Variants in GPC5 observed in about 807,000 individuals in gnomAD.
GPC5 encodes the protein glypican 5.
In GPC5, 47 loss-of-function variants were observed where a neutral mutation model predicts 53.9. That is an observed-to-expected ratio of 0.87 (90% CI 0.69 to 1.11). The LOEUF is 1.11. Ranked by LOEUF, GPC5 falls within the 50% of genes most tolerant of loss-of-function variation. GPC5 has a pLI of 0.00. For synonymous variants in GPC5, 286 were observed against 263.3 expected (o/e 1.09, Z -0.84); for missense variants, 748 against 713.1 (o/e 1.05, Z -0.56).
intron 7 of GPC5, among the ~76,000 whole-genome samples, chr13:92,823,314 G>A (rs914452011): frequency 3.9e-5 from 6 of 152,010 alleles, no homozygotes; most frequent in African/African-American, 1.4e-4. Flanking sequence ...GTTTCTTTCA[G>A]ATGACATAAT....
chr13:91,842,118 C>A (rs1412216971), intron 5 of GPC5, among the ~76,000 whole-genome samples: 1 of 151,926 alleles, frequency 6.6e-6, no homozygotes, highest in Non-Finnish European at 1.5e-5. Flanking sequence ...AAACCATGTT[C>A]TACCATTCAA....
chr13:92,181,796 G>T (rs926969443), intron 7 of GPC5, among the ~76,000 whole-genome samples: 1 of 152,130 alleles, frequency 6.6e-6, no homozygotes, highest in Non-Finnish European at 1.5e-5. Context: ...AAAGCAAAAT[G>T]GTGAAAAAGA....
At chr13:91,710,369 T>A (rs931047657) in intron 3 of GPC5, among the ~76,000 whole-genome samples, 2 of 152,242 alleles carry the variant, frequency 1.3e-5, no homozygotes, top group African/African-American at 4.8e-5. Flanking sequence ...TTCTAATGAA[T>A]GCACAGAATG....
At chr13:92,437,953 C>T (rs1877383520) in intron 7 of GPC5, among the ~76,000 whole-genome samples, 1 of 152,040 alleles carries the variant, frequency 6.6e-6, no homozygotes, top group African/African-American at 2.4e-5. Flanking sequence ...TGGATAATCT[C>T]CCTTTTGATT....
intron 7 of GPC5, among the ~76,000 whole-genome samples, chr13:92,272,603 C>G (rs925569955): frequency 3.3e-5 from 5 of 152,108 alleles, no homozygotes; most frequent in Non-Finnish European, 7.3e-5. Flanking sequence ...GTGTAATTAT[C>G]AGTCTCTTGC....
intron 7 of GPC5, among the ~76,000 whole-genome samples, chr13:92,791,360 G>T (rs1168996797): frequency 6.8e-6 from 1 of 146,294 alleles, no homozygotes; most frequent in Non-Finnish European, 1.5e-5. Flanking sequence ...ATGCATACAT[G>T]TATATAAATG....
At chr13:91,552,801 G>A (rs1471828913) in intron 2 of GPC5, among the ~76,000 whole-genome samples, 1 of 152,076 alleles carries the variant, frequency 6.6e-6, no homozygotes, top group East Asian at 1.9e-4. Flanking sequence ...ATGTTACAGT[G>A]CTGCAGAGAT....
At chr13:91,767,286 T>C (rs778676421) in intron 5 of GPC5, among the ~76,000 whole-genome samples, 1 of 152,226 alleles carries the variant, frequency 6.6e-6, no homozygotes, top group Non-Finnish European at 1.5e-5. Context: ...GTTCATCAGA[T>C]ACTCCAAACT....
intron 2 of GPC5, among the ~76,000 whole-genome samples, chr13:91,652,045 T>G (rs2034724006): frequency 6.6e-6 from 1 of 152,206 alleles, no homozygotes; most frequent in Non-Finnish European, 1.5e-5. Context: ...CCTATGCAAT[T>G]CAGCAGAGAA....
intron 2 of GPC5, among the ~76,000 whole-genome samples, chr13:91,469,731 C>G (rs1166002207): frequency 6.6e-6 from 1 of 152,016 alleles, no homozygotes; most frequent in Non-Finnish European, 1.5e-5. Flanking sequence ...TATAAAAATT[C>G]AGATTCATCT....
intron 7 of GPC5, among the ~76,000 whole-genome samples, chr13:92,638,658 C>A (rs759449693): frequency 5.3e-5 from 8 of 152,118 alleles, no homozygotes; most frequent in African/African-American, 1.9e-4. Flanking sequence ...CTATGAATTA[C>A]CATCCCCTGA....
chr13:92,139,204 A>G (rs2041809395), intron 6 of GPC5, among the ~76,000 whole-genome samples: 2 of 152,232 alleles, frequency 1.3e-5, no homozygotes, highest in Admixed American at 6.5e-5. Flanking sequence ...GCAAGACCAC[A>G]AAACTAAATG....
At chr13:91,796,807 G>T (rs1392765110) in intron 5 of GPC5, among the ~76,000 whole-genome samples, 1 of 151,942 alleles carries the variant, frequency 6.6e-6, no homozygotes, top group Non-Finnish European at 1.5e-5. Context: ...GTCTGCTTCA[G>T]GTTTTATTTT....
intron 6 of GPC5, among the ~76,000 whole-genome samples, chr13:92,072,083 A>AATTATAT (rs1232516561): frequency 3.4e-5 from 5 of 146,290 alleles, no homozygotes; most frequent in Non-Finnish European, 7.5e-5. Context: ...AAAAATATAT[A>AATTATAT]ATTATATATA....
chr13:92,430,816 A>C (rs1415347804), intron 7 of GPC5, among the ~76,000 whole-genome samples: 2 of 152,192 alleles, frequency 1.3e-5, no homozygotes, highest in Non-Finnish European at 2.9e-5. Context: ...AGTTGCCAGC[A>C]GTAAACCTCA....
chr13:91,716,898 C>T (rs762570312), intron 3 of GPC5, among the ~76,000 whole-genome samples: 2 of 152,204 alleles, frequency 1.3e-5, no homozygotes, highest in African/African-American at 4.8e-5. Context: ...AGTATTAATT[C>T]ATTTGCGTAA....
intron 7 of GPC5, among the ~76,000 whole-genome samples, chr13:92,354,983 T>C (rs1419355731): frequency 1.3e-5 from 2 of 151,712 alleles, no homozygotes; most frequent in Admixed American, 6.6e-5. Flanking sequence ...ATATTAGCTT[T>C]AATATATAAT....
chr13:92,495,468 A>G (rs1879936927), intron 7 of GPC5, among the ~76,000 whole-genome samples: 1 of 152,108 alleles, frequency 6.6e-6, no homozygotes, highest in Non-Finnish European at 1.5e-5. Flanking sequence ...TACAGAAAAT[A>G]TTTTAATTTT....
At chr13:92,433,407 G>A (rs1256664111) in intron 7 of GPC5, among the ~76,000 whole-genome samples, 2 of 152,146 alleles carry the variant, frequency 1.3e-5, no homozygotes, top group Non-Finnish European at 2.9e-5. Context: ...TAGGTTGAAG[G>A]TTCTAATGAG....
Sources: gnomAD v4.1 joint callset for allele counts (sites outside exome capture counted in the v4.1 genomes callset) on GRCh38, gnomAD v4.1.1 for gene constraint, MANE v1.5 for transcripts, NCBI Gene and HGNC (gene_info 2026-07-23, HGNC 2026-07-21) for gene names.